The following SNX24 variants were observed in gnomAD, a reference collection of about 807,000 sequenced individuals.
SNX24 encodes sorting nexin-24.
In SNX24, 22 loss-of-function variants were observed where a neutral mutation model predicts 28.7. That is an observed-to-expected ratio of 0.77 (90% CI 0.55 to 1.10). SNX24 has a LOEUF of 1.10. Among genes scored for constraint, SNX24 ranks in the 50% least tolerant of loss-of-function variants. The pLI is 0.00. For missense variants in SNX24, 221 were observed against 201.1 expected (o/e 1.10, Z -0.60); for synonymous variants, 69 against 71.5 (o/e 0.96, Z 0.18).
chr5:122,952,683 C>CA (rs1760001916), intron 3 of SNX24, among the ~76,000 whole-genome samples: 1 of 152,176 alleles, frequency 6.6e-6, no homozygotes, highest in Non-Finnish European at 1.5e-5. Flanking sequence ...TAATTTGGGA[C>CA]ATAAAATATA....
intron 3 of SNX24, among the ~76,000 whole-genome samples, chr5:122,991,935 A>T (rs1761868506): frequency 6.6e-6 from 1 of 152,252 alleles, no homozygotes; most frequent in South Asian, 2.1e-4. Flanking sequence ...CCTTAAATAT[A>T]TCTGTGGAAT....
intron 3 of SNX24, among the ~76,000 whole-genome samples, chr5:122,978,708 TGAAA>T (rs1345165327): frequency 6.6e-6 from 1 of 152,160 alleles, no homozygotes; most frequent in Non-Finnish European, 1.5e-5. Flanking sequence ...GTGGTATGAC[TGAAA>T]GAAACACAGT....
chr5:122,880,160 A>G (rs113398918), intron 1 of SNX24, among the ~76,000 whole-genome samples: 4 of 152,116 alleles, frequency 2.6e-5, no homozygotes, highest in African/African-American at 9.7e-5. Context: ...AGTGATCAAT[A>G]TATTATCCTT....
chr5:123,004,180 TC>T (rs1388627446), intron 6 of SNX24, among the ~76,000 whole-genome samples: 7 of 152,326 alleles, frequency 4.6e-5, no homozygotes, highest in Non-Finnish European at 4.4e-5. Flanking sequence ...TTAAGCATTA[TC>T]CTCTTATAAA....
chr5:122,899,934 C>T (rs1321595818), intron 1 of SNX24, among the ~76,000 whole-genome samples: 1 of 152,136 alleles, frequency 6.6e-6, no homozygotes, highest in East Asian at 1.9e-4. Flanking sequence ...TTTTAAAAAT[C>T]TTGATCTCTC....
rs112659768 is a variant in SNX24, at chr5:122,993,323, G to A, written c.250-6589G>A. ...TTTTTTTTTTTTTTTTTTTGAGACA[G>A]AGTCTTGCTCTGTTGCCCAGGCTGG... On this transcript the variant is annotated intron_variant, in intron 3 of 6. Transcript: ENST00000261369. Among the ~76,000 whole-genome samples the A allele has an allele frequency of 4.2e-3, 570 of 134,770 alleles. 25 individuals are homozygous for A. The East Asian group carries it at 0.1, about 25-fold the overall frequency. The allele number at this position is 134,770 out of a possible 152,430, so 88.4% of individuals were successfully genotyped here.
intron 1 of SNX24, among the ~76,000 whole-genome samples, chr5:122,912,752 AATTG>A (rs1368712095): frequency 3.7e-4 from 44 of 119,020 alleles, no homozygotes; most frequent in African/African-American, 1.2e-3. Context: ...TTTTTTTTTT[AATTG>A]ATCATTCTTG....
intron 1 of SNX24, chr5:122,853,580 G>T: frequency 3.7e-6 from 1 of 268,322 alleles, no homozygotes; most frequent in Non-Finnish European, 7.8e-6. Flanking sequence ...GGGGGCACAA[G>T]CAAGCTTGTT....
Position 122,987,351 on chromosome 5 carries a change from ACT to A in SNX24, c.250-12556_250-12555del, listed in dbSNP as rs545243013. ...CCACCCAAGACCAGCTAGATCAGAA[ACT>A]CTCTGGGTTGGACCAAGCAAACTGT... is the stretch of plus-strand genomic sequence containing the variant. On this transcript the variant is annotated intron_variant, in intron 3 of 6. Transcript: ENST00000261369. Among the ~76,000 whole-genome samples, 403 of 152,204 alleles carry A rather than the reference ACT, an allele frequency of 2.6e-3. 1 individual carries two copies. Among genetic ancestry groups the A allele is most frequent in the African/African-American group, 9.4e-3 (391 of 41,514 alleles).
chr5:122,948,057 C>T (rs1240339755), intron 3 of SNX24, among the ~76,000 whole-genome samples: 1 of 152,196 alleles, frequency 6.6e-6, no homozygotes, highest in African/African-American at 2.4e-5. Context: ...GGCTTGCTTC[C>T]TGTTGTGCAT....
chr5:122,993,601 A>C (rs948682613), intron 3 of SNX24, among the ~76,000 whole-genome samples: 1 of 152,086 alleles, frequency 6.6e-6, no homozygotes, highest in Non-Finnish European at 1.5e-5. Flanking sequence ...TGCCCGGCCT[A>C]CTGGCTGCCT....
chr5:122,863,353 G>A (rs1176814749), intron 1 of SNX24, among the ~76,000 whole-genome samples: 2 of 151,940 alleles, frequency 1.3e-5, no homozygotes, highest in African/African-American at 4.8e-5. Flanking sequence ...TGCATAGTGT[G>A]TTTTAGGAAT....
At chr5:122,968,972 T>C (rs997073976) in intron 3 of SNX24, among the ~76,000 whole-genome samples, 2 of 152,096 alleles carry the variant, frequency 1.3e-5, no homozygotes, top group Non-Finnish European at 2.9e-5. Context: ...ATAAATAACC[T>C]AAATATGTTA....
At chr5:122,932,457 G>A (rs1758995314) in intron 1 of SNX24, among the ~76,000 whole-genome samples, 1 of 152,024 alleles carries the variant, frequency 6.6e-6, no homozygotes, top group Non-Finnish European at 1.5e-5. Context: ...CAGCAACATA[G>A]CTAAATAAAT....
chr5:123,017,310 C>T (rs939087164), intron 5 of SNX24, among the ~76,000 whole-genome samples: 3 of 152,138 alleles, frequency 2.0e-5, no homozygotes, highest in Non-Finnish European at 2.9e-5. Context: ...CAAATCTCAC[C>T]TGCTCCGCTC....
chr5:123,002,294 C>T (rs1296006684), intron 6 of SNX24: 3 of 492,490 alleles, frequency 6.1e-6, no homozygotes, highest in East Asian at 3.2e-5. Context: ...TTGGCCTCTG[C>T]TTGTTTTTGT....
chr5:122,888,557 A>C (rs1328863987), intron 1 of SNX24, among the ~76,000 whole-genome samples: 1 of 152,196 alleles, frequency 6.6e-6, no homozygotes, highest in African/African-American at 2.4e-5. Context: ...AAATTCTGAC[A>C]AATATATTCA....
At chr5:122,922,806 A>G (rs537163347) in intron 1 of SNX24, among the ~76,000 whole-genome samples, 3 of 151,954 alleles carry the variant, frequency 2.0e-5, no homozygotes, top group African/African-American at 7.2e-5. Flanking sequence ...TATATTCATT[A>G]TTTGTTTTCT....
intron 1 of SNX24, among the ~76,000 whole-genome samples, chr5:122,935,350 G>C (rs1006079617): frequency 1.3e-5 from 2 of 151,742 alleles, no homozygotes; most frequent in African/African-American, 4.8e-5. Context: ...ATTTTCTCTG[G>C]TGAATTAATA....
Sources: allele counts gnomAD v4.1 joint callset (sites outside exome capture counted in the v4.1 genomes callset), GRCh38; gene constraint gnomAD v4.1.1; transcripts MANE v1.5; gene names NCBI Gene and HGNC (gene_info 2026-07-23, HGNC 2026-07-21).